The following PDE8B variants were observed in gnomAD, a reference collection of about 807,000 sequenced individuals.
The protein encoded by PDE8B is phosphodiesterase 8B, also known as high affinity cAMP-specific and IBMX-insensitive 3',5'-cyclic phosphodiesterase 8B.
Under a neutral mutation model 101.3 loss-of-function variants are expected in PDE8B, and 26 were observed. The ratio of observed to expected loss-of-function variants is 0.26; its 90% CI spans 0.19 to 0.36. The LOEUF is 0.36. Among genes scored for constraint, PDE8B ranks in the 10% least tolerant of loss-of-function variants. PDE8B has a pLI of 1.00. For missense variants in PDE8B, 810 were observed against 1,163.1 expected (o/e 0.70, Z 4.42); for synonymous variants, 424 against 429.3 (o/e 0.99, Z 0.15).
the PDE8B span, among the ~76,000 whole-genome samples, chr5:77,123,739 A>G: frequency 1.3e-5 from 2 of 152,330 alleles, no homozygotes; most frequent in East Asian, 3.9e-4. Context: ...AGCCTGGGCA[A>G]CGGTGAGACT....
chr5:77,150,595 C>T, the PDE8B span, among the ~76,000 whole-genome samples: 15 of 151,968 alleles, frequency 9.9e-5, no homozygotes, highest in Non-Finnish European at 2.1e-4. Flanking sequence ...GGTCCTGCAA[C>T]GATGTAATAT....
chr5:77,157,963 C>T, the PDE8B span, among the ~76,000 whole-genome samples: 1 of 148,974 alleles, frequency 6.7e-6, no homozygotes, highest in Non-Finnish European at 1.5e-5. Context: ...CACTTACATA[C>T]TAATAGCTGG....
chr5:77,340,733 A>C (rs919395123), intron 6 of PDE8B, among the ~76,000 whole-genome samples: 2 of 152,032 alleles, frequency 1.3e-5, no homozygotes, highest in Admixed American at 6.6e-5. Context: ...AGAGGAAAAC[A>C]CTGAGAACCA....
chr5:77,097,486 A>C, the PDE8B span, among the ~76,000 whole-genome samples: 6 of 151,338 alleles, frequency 4.0e-5, no homozygotes, highest in African/African-American at 9.7e-5. Context: ...TTGTGGTAAT[A>C]GGAAGCTTAT....
intron 16 of PDE8B, 54 bp from the exon 17 acceptor site, chr5:77,413,055 AAC>A: frequency 7.0e-7 from 1 of 1,438,370 alleles, no homozygotes; most frequent in South Asian, 1.1e-5. Flanking sequence ...CATCAAAGAA[AAC>A]AGTTTCTGGG....
chr5:77,116,035 C>T, the PDE8B span, among the ~76,000 whole-genome samples: 3 of 151,818 alleles, frequency 2.0e-5, no homozygotes, highest in African/African-American at 4.8e-5. Flanking sequence ...TTCGATAGAA[C>T]GGTCTCACAA....
the PDE8B span, chr5:77,165,407 A>G: frequency 6.6e-6 from 1 of 152,216 alleles, no homozygotes; most frequent in Non-Finnish European, 1.5e-5. Context: ...ACTGGGTCCA[A>G]AGGAAAAGAA....
chr5:77,213,161 G>A (rs1748867097), intron 1 of PDE8B, among the ~76,000 whole-genome samples: 1 of 152,212 alleles, frequency 6.6e-6, no homozygotes, highest in Admixed American at 6.5e-5. Context: ...GTATAAACTT[G>A]TATTAATCTC....
intron 4 of PDE8B, 166 bp from the exon 5 acceptor site, chr5:77,331,236 G>A (rs1777058466): frequency 1.3e-6 from 1 of 743,662 alleles, no homozygotes; most frequent in Non-Finnish European, 2.5e-6. Flanking sequence ...GAAGGTAGAT[G>A]TGGGGTCTGT....
chr5:77,232,422 G>C (rs776522479), intron 1 of PDE8B, among the ~76,000 whole-genome samples: 8 of 152,218 alleles, frequency 5.3e-5, no homozygotes, highest in Non-Finnish European at 8.8e-5. Context: ...ATAGATATTT[G>C]TGAATTATTC....
the PDE8B span, among the ~76,000 whole-genome samples, chr5:77,168,488 C>G: frequency 1.3e-5 from 2 of 152,154 alleles, no homozygotes; most frequent in African/African-American, 4.8e-5. Context: ...CCACTTGTGC[C>G]CTGGTGGGAC....
At position 77,393,373 on chromosome 5, in the gene PDE8B, C is replaced by T. The variant is rs1417934141; in HGVS notation, c.1168-6875C>T. 9.7e-5 allele frequency among the ~76,000 whole-genome samples: 14 copies of T among 143,892 alleles called. No homozygotes were observed. The East Asian group carries it at 1.6e-3, about 17-fold the overall frequency. 94.4% of individuals were successfully genotyped at this position (143,892 alleles called of 152,430 possible). On this transcript the variant is annotated intron_variant, in intron 10 of 21. Coordinates refer to ENST00000264917, the MANE Select transcript of PDE8B (RefSeq NM_003719.5). ...TGCACCCACTGCTCTCCAGCCTGGA[C>T]GACAGAGTGAGACTGTCTCCAAAAA...
chr5:77,213,189 G>T lies in PDE8B; in HGVS notation c.339+1925G>T, dbSNP rs575245181. 2.0e-5 allele frequency among the ~76,000 whole-genome samples: 3 copies of T among 152,328 alleles called. No homozygotes were observed. In the South Asian group the frequency reaches 6.2e-4, roughly 32 times the overall value. ...TTAATCTCATTGCTACTTGGCTTAA[G>T]TATTAAAAGGCTTGACCTGGGTAGG... On this transcript the variant is annotated intron_variant, in intron 1 of 21. Transcript: ENST00000264917.
the PDE8B span, among the ~76,000 whole-genome samples, chr5:77,194,949 A>G: frequency 1.3e-5 from 2 of 152,242 alleles, no homozygotes; most frequent in African/African-American, 4.8e-5. Flanking sequence ...TCTTTGGGGT[A>G]TAAGCCTGGG....
the PDE8B span, among the ~76,000 whole-genome samples, chr5:77,117,700 G>T: frequency 6.6e-6 from 1 of 152,186 alleles, no homozygotes; most frequent in African/African-American, 2.4e-5. Flanking sequence ...CAGCCAAAAG[G>T]GGTGGACAGA....
intron 2 of PDE8B, among the ~76,000 whole-genome samples, chr5:77,317,219 T>C (rs1773951866): frequency 6.6e-6 from 1 of 152,242 alleles, no homozygotes; most frequent in Non-Finnish European, 1.5e-5. Flanking sequence ...AACATTGCAA[T>C]TGACTTAGAA....
chr5:77,416,653 G>GC (rs988581468), intron 17 of PDE8B, among the ~76,000 whole-genome samples: 1 of 152,202 alleles, frequency 6.6e-6, no homozygotes, highest in Admixed American at 6.5e-5. Flanking sequence ...TCAGCGTTGG[G>GC]AATGGAAATG....
chr5:77,320,444 G>A (rs1581021183), intron 2 of PDE8B, among the ~76,000 whole-genome samples: 1 of 152,164 alleles, frequency 6.6e-6, no homozygotes, highest in African/African-American at 2.4e-5. Flanking sequence ...GTGTTTACAA[G>A]GGTACAGTGA....
the PDE8B span, among the ~76,000 whole-genome samples, chr5:77,160,685 T>C: frequency 1.3e-5 from 2 of 152,202 alleles, no homozygotes; most frequent in Non-Finnish European, 2.9e-5. Flanking sequence ...AGTGTCTTGC[T>C]CTGTTGCCCA....
Sources: gnomAD v4.1 joint callset for allele counts (sites outside exome capture counted in the v4.1 genomes callset) on GRCh38, gnomAD v4.1.1 for gene constraint, MANE v1.5 for transcripts, NCBI Gene and HGNC (gene_info 2026-07-23, HGNC 2026-07-21) for gene names.